Variants in DENND4A observed in about 807,000 individuals in gnomAD.
The protein encoded by DENND4A is DENN domain containing 4A.
A neutral mutation model predicts 199.3 loss-of-function variants in DENND4A; 70 were observed. The observed-to-expected ratio is 0.35, with a 90% CI of 0.29 to 0.43. DENND4A has a LOEUF of 0.43. Among genes scored for constraint, DENND4A ranks in the 20% least tolerant of loss-of-function variants. The probability of loss-of-function intolerance (pLI) is 1.00; values close to 1 mark genes in which losing one functional copy is unlikely to be tolerated. For synonymous variants in DENND4A, 686 were observed against 766.9 expected, an observed-to-expected ratio of 0.89 and a Z score of 1.74; for missense variants, 1,723 against 2,255.8, an observed-to-expected ratio of 0.76 and a Z score of 4.78.
At chr15:65,671,914 G>A (rs761249531) in intron 24 of DENND4A, 28 bp from the exon 25 acceptor site, 6 of 1,327,078 alleles carry the variant, frequency 4.5e-6, no homozygotes, top group Non-Finnish European at 6.5e-6. Flanking sequence ...ACAAAGAACA[G>A]AAACCATTAA....
At chr15:65,738,310 T>C (rs2076167561) in intron 6 of DENND4A, among the ~76,000 whole-genome samples, 1 of 152,166 alleles carries the variant, frequency 6.6e-6, no homozygotes, top group South Asian at 2.1e-4. Context: ...ATTCATTGAA[T>C]TTCTCGGGAC....
At position 65,766,250 on chromosome 15, in the gene DENND4A, CAA is replaced by C. The variant is rs5813366; in HGVS notation, c.-101-4814_-101-4813del. On this transcript the variant is annotated intron_variant, in intron 1 of 32. Coordinates refer to ENST00000443035, the MANE Select transcript of DENND4A (RefSeq NM_001320835.1). Reference sequence around the variant, plus strand: ...TGGGCAACGGAGTGAGACTCCACCTCAAAAAAAAAAAAAAAAAATAGATGCAG... The same window carrying C: ...TGGGCAACGGAGTGAGACTCCACCTCAAAAAAAAAAAAAAAATAGATGCAG... 7.5e-3 allele frequency among the ~76,000 whole-genome samples: 706 copies of C among 93,836 alleles called. 5 individuals are homozygous for C. The highest frequency in any genetic ancestry group is 0.025 in the African/African-American group (646 of 25,652). The allele number at this position is 93,836 out of a possible 152,430, so 61.6% of individuals were successfully genotyped here.
intron 3 of DENND4A, among the ~76,000 whole-genome samples, chr15:65,752,892 T>A (rs933584115): frequency 1.3e-5 from 2 of 152,232 alleles, no homozygotes; most frequent in Non-Finnish European, 2.9e-5. Flanking sequence ...TGAAGGTACC[T>A]ATTTTGGCAC....
rs763127759 is a variant in DENND4A, at chr15:65,664,338, A to T, written c.5579T>A (p.Ile1860Asn). The T allele has an allele frequency of 6.3e-7, 1 of 1,582,960 alleles. No individual in the cohort carries two copies. Among genetic ancestry groups the T allele is most frequent in the Admixed American group, 1.7e-5 (1 of 58,196 alleles). ...ATATAAAGCTAAATTACCTATATCA[A>T]TGTTTTCTCTTCCCAGTGCCACAAG... ...LSLVALGREN[I>N]DIDAFDKEYK... The change falls in exon 32 of 33, where the codon ATT (isoleucine) becomes AAT (asparagine). Residue 1860 changes from isoleucine to asparagine, a missense_variant. Physicochemically the swap from Ile to Asn is moderately radical, Grantham distance 149 (BLOSUM62 -3). This residue lies in a region of DENND4A where 164 missense variants were observed against 280.1 expected (regional missense o/e 0.59). Transcript: ENST00000443035.
chr15:65,774,599 C>G lies in DENND4A; in HGVS notation c.-101-13161G>C, dbSNP rs545259962. 8.2e-4 allele frequency among the ~76,000 whole-genome samples: 124 copies of G among 151,308 alleles called. 2 individuals are homozygous for G. Among genetic ancestry groups the G allele is most frequent in the Middle Eastern group, 6.9e-3 (2 of 290 alleles). ...AGGAGAATCGTTTGAACCTGGGAGG[C>G]AGAGGTTGCTGAGTGAGCTGAGATC... On this transcript the variant is annotated intron_variant, in intron 1 of 32. Transcript: ENST00000443035.
At chr15:65,674,495 GC>G (rs1407220352) in intron 24 of DENND4A, among the ~76,000 whole-genome samples, 1 of 152,138 alleles carries the variant, frequency 6.6e-6, no homozygotes, top group Non-Finnish European at 1.5e-5. Context: ...GAGTGTGGTG[GC>G]TCAAGCCTGT....
In DENND4A at chr15:65,738,852, C is replaced by T; in HGVS notation, c.655G>A (p.Glu219Lys). ...KAGLICRYPQ[E>K]DYESFSLPES... ...GGTAGTGAGAATGACTCATAATCTT[C>T]TTGAGGATATCTACAAATTAGGCCT... The change falls in exon 6 of 33, where the codon GAA (glutamate) becomes AAA (lysine). Residue 219 changes from glutamate to lysine, a missense_variant. Physicochemically the swap from Glu to Lys is moderately conservative, Grantham distance 56. Coordinates refer to ENST00000443035, the MANE Select transcript of DENND4A (RefSeq NM_001320835.1). The T allele has an allele frequency of 6.3e-7, 1 of 1,596,736 alleles. No individual in the cohort carries two copies. The highest frequency in any genetic ancestry group is 8.5e-7 in the Non-Finnish European group (1 of 1,172,742).
At chr15:65,733,524 C>G (rs2076022673) in intron 7 of DENND4A, among the ~76,000 whole-genome samples, 1 of 151,994 alleles carries the variant, frequency 6.6e-6, no homozygotes, top group Non-Finnish European at 1.5e-5. Flanking sequence ...AAAATTTCAA[C>G]TAGATAGACA....
chr15:65,745,210 C>G (rs1390500912), intron 4 of DENND4A, among the ~76,000 whole-genome samples: 1 of 152,102 alleles, frequency 6.6e-6, no homozygotes, highest in Non-Finnish European at 1.5e-5. Context: ...TATCTGTCAG[C>G]CTTCCAAATA....
chr15:65,732,764 C>T lies in DENND4A; in HGVS notation c.1095G>A (p.Arg365=), dbSNP rs181302426. ...AAAAAAACCTTACCTGAACTAAAAT[C>T]CGTGGTCTCTGAGGAGATGGAAAAG... The part of the protein sequence containing the change: ...KVPFPSPQRP[R]ILVQLSPHDN... The change falls in exon 8 of 33, where the codon CGG becomes CGA. Residue 365 remains arginine (R), a synonymous_variant. Transcript: ENST00000443035. The T allele has an allele frequency of 6.2e-7, 1 of 1,600,710 alleles. No homozygotes were observed. The highest frequency in any genetic ancestry group is 1.3e-5 in the African/African-American group (1 of 74,666).
chr15:65,733,394 T>C (rs550766307), intron 7 of DENND4A, among the ~76,000 whole-genome samples: 1 of 152,248 alleles, frequency 6.6e-6, no homozygotes, highest in East Asian at 1.9e-4. Context: ...AAATCTTTCC[T>C]AGGGGGGAAT....
At chr15:65,764,284 G>A (rs2076925613) in intron 1 of DENND4A, among the ~76,000 whole-genome samples, 1 of 152,102 alleles carries the variant, frequency 6.6e-6, no homozygotes, top group South Asian at 2.1e-4. Context: ...AATCACTTGA[G>A]GCCAGGAGTT....
At chr15:65,666,000 C>A (rs2076023865) in intron 29 of DENND4A, among the ~76,000 whole-genome samples, 2 of 152,068 alleles carry the variant, frequency 1.3e-5, no homozygotes, top group African/African-American at 4.8e-5. Context: ...GAACATATAA[C>A]AAACAAATGG....
At chr15:65,707,723 G>A (rs1412820722) in intron 14 of DENND4A, among the ~76,000 whole-genome samples, 1 of 148,684 alleles carries the variant, frequency 6.7e-6, no homozygotes, top group Non-Finnish European at 1.5e-5. Flanking sequence ...GTCTTGCTCT[G>A]TCACCTAGGC....
At chr15:65,681,759 G>A (rs1216012769) in intron 23 of DENND4A, among the ~76,000 whole-genome samples, 1 of 151,808 alleles carries the variant, frequency 6.6e-6, no homozygotes, top group Non-Finnish European at 1.5e-5. Flanking sequence ...GTAGAGACAG[G>A]GTTTTGCCAT....
intron 14 of DENND4A, among the ~76,000 whole-genome samples, chr15:65,709,719 AATAT>A (rs1555422997): frequency 1.2e-3 from 62 of 51,464 alleles, no homozygotes; most frequent in East Asian, 3.8e-3. Flanking sequence ...AAAAAAAAAA[AATAT>A]ATATATATAT....
chr15:65,729,947 G>T (rs1210571353), intron 9 of DENND4A, among the ~76,000 whole-genome samples: 1 of 152,076 alleles, frequency 6.6e-6, no homozygotes, highest in Non-Finnish European at 1.5e-5. Context: ...AAAATGAAAA[G>T]TCATCTGCTT....
chr15:65,769,510 T>C (rs1251079349), intron 1 of DENND4A, among the ~76,000 whole-genome samples: 1 of 152,124 alleles, frequency 6.6e-6, no homozygotes, highest in African/African-American at 2.4e-5. Context: ...CAGCATTAGA[T>C]TATCAGATAC....
chr15:65,759,550 C>T (rs1401463286), intron 2 of DENND4A, among the ~76,000 whole-genome samples: 1 of 151,996 alleles, frequency 6.6e-6, no homozygotes, highest in Non-Finnish European at 1.5e-5. Context: ...ATACTAATGG[C>T]GCCTATGCAG....
Sources: allele counts gnomAD v4.1 joint callset (sites outside exome capture counted in the v4.1 genomes callset), GRCh38; gene constraint gnomAD v4.1.1; regional missense constraint gnomAD v4.1.1; transcripts MANE v1.5; gene names NCBI Gene and HGNC (gene_info 2026-07-23, HGNC 2026-07-21).